Variants in LCLAT1 observed in about 807,000 individuals in gnomAD.
LCLAT1 encodes the protein lysocardiolipin acyltransferase 1, also known as 1-AGP acyltransferase 8.
LCLAT1 carries 11 observed loss-of-function variants against 30.7 expected under a neutral mutation model. That is an observed-to-expected ratio of 0.36 (90% CI 0.23 to 0.59). LCLAT1 has a LOEUF of 0.59. Ranked by LOEUF, LCLAT1 falls within the 20% of genes least tolerant of loss-of-function variation. LCLAT1 has a pLI of 0.77. For synonymous variants in LCLAT1, 155 were observed against 151.3 expected (o/e 1.02, Z -0.18); for missense variants, 402 against 458.6 (o/e 0.88, Z 1.13).
chr2:30,620,976 C>G (rs1490237359), intron 5 of LCLAT1, among the ~76,000 whole-genome samples: 1 of 152,022 alleles, frequency 6.6e-6, no homozygotes, highest in African/African-American at 2.4e-5. Context: ...TATGTAAAGG[C>G]TTTTTTTGGA....
intron 3 of LCLAT1, among the ~76,000 whole-genome samples, chr2:30,561,565 A>G (rs1327198866): frequency 6.6e-6 from 1 of 152,160 alleles, no homozygotes; most frequent in Non-Finnish European, 1.5e-5. Context: ...CCCTAGAGAA[A>G]AGGAATGTAG....
chr2:30,486,067 T>C (rs548094162), intron 1 of LCLAT1, among the ~76,000 whole-genome samples: 121 of 152,264 alleles, frequency 7.9e-4, no homozygotes, highest in African/African-American at 2.8e-3. Context: ...GGACTAAATA[T>C]TTTCTAATTT....
At chr2:30,591,706 A>G (rs901006094) in intron 5 of LCLAT1, among the ~76,000 whole-genome samples, 1 of 152,196 alleles carries the variant, frequency 6.6e-6, no homozygotes, top group Non-Finnish European at 1.5e-5. Context: ...CTAATAGACT[A>G]GAGCCCACAG....
At chr2:30,452,406 G>A (rs1442747184) in intron 1 of LCLAT1, among the ~76,000 whole-genome samples, 1 of 151,070 alleles carries the variant, frequency 6.6e-6, no homozygotes, top group Non-Finnish European at 1.5e-5. Context: ...TCGCTAAAAT[G>A]ACTTTTATAT....
chr2:30,529,715 C>T (rs145413925), intron 2 of LCLAT1, among the ~76,000 whole-genome samples: 1 of 152,262 alleles, frequency 6.6e-6, no homozygotes, highest in East Asian at 1.9e-4. Flanking sequence ...CCAGTCCTAG[C>T]ACAAAACAGG....
At chr2:30,487,120 G>C (rs1321891232) in intron 1 of LCLAT1, among the ~76,000 whole-genome samples, 1 of 152,156 alleles carries the variant, frequency 6.6e-6, no homozygotes, top group Non-Finnish European at 1.5e-5. Flanking sequence ...CATTTAATTT[G>C]TACATGTCTT....
intron 5 of LCLAT1, among the ~76,000 whole-genome samples, chr2:30,585,081 C>T (rs183662201): frequency 6.6e-6 from 1 of 152,024 alleles, no homozygotes; most frequent in Admixed American, 6.5e-5. Context: ...TTGATCATCA[C>T]GATGATGGGC....
At chr2:30,634,290 C>T (rs1243002092) in intron 5 of LCLAT1, among the ~76,000 whole-genome samples, 3 of 152,250 alleles carry the variant, frequency 2.0e-5, no homozygotes, top group African/African-American at 7.2e-5. Context: ...TTCTAAAGCC[C>T]GTATAGACAG....
At chr2:30,496,358 C>T (rs912325236) in intron 1 of LCLAT1, among the ~76,000 whole-genome samples, 7 of 152,152 alleles carry the variant, frequency 4.6e-5, no homozygotes, top group African/African-American at 7.2e-5. Context: ...GCTCACTGTA[C>T]CTTTCGCCTC....
chr2:30,523,097 G>A (rs1685551823), intron 1 of LCLAT1, among the ~76,000 whole-genome samples: 1 of 151,814 alleles, frequency 6.6e-6, no homozygotes, highest in Non-Finnish European at 1.5e-5. Context: ...GAGTTGAGGG[G>A]TGAGTGTTAA....
chr2:30,484,909 A>T (rs1683486677), intron 1 of LCLAT1, among the ~76,000 whole-genome samples: 2 of 152,112 alleles, frequency 1.3e-5, no homozygotes, highest in South Asian at 4.1e-4. Context: ...CTATGGTATG[A>T]TATGTTATGG....
At chr2:30,506,515 C>T (rs1033787510) in intron 1 of LCLAT1, among the ~76,000 whole-genome samples, 1 of 151,834 alleles carries the variant, frequency 6.6e-6, no homozygotes, top group African/African-American at 2.4e-5. Context: ...TAATAAAAGA[C>T]ACGTGATAAT....
intron 1 of LCLAT1, among the ~76,000 whole-genome samples, chr2:30,492,983 A>T (rs1683907334): frequency 6.6e-6 from 1 of 152,132 alleles, no homozygotes; most frequent in Non-Finnish European, 1.5e-5. Context: ...TGGCACCACT[A>T]CCTTATTAGC....
At chr2:30,546,721 T>C (rs942706162) in intron 3 of LCLAT1, among the ~76,000 whole-genome samples, 1 of 152,206 alleles carries the variant, frequency 6.6e-6, no homozygotes, top group Non-Finnish European at 1.5e-5. Context: ...TTAAAATCTA[T>C]AATGCCTAAC....
At chr2:30,547,454 CAG>C (rs1664478009) in intron 3 of LCLAT1, among the ~76,000 whole-genome samples, 1 of 152,074 alleles carries the variant, frequency 6.6e-6, no homozygotes, top group Non-Finnish European at 1.5e-5. Flanking sequence ...CATCCTATGA[CAG>C]AGAATGAAAA....
chr2:30,494,676 T>C (rs114960704), intron 1 of LCLAT1, among the ~76,000 whole-genome samples: 3,493 of 151,444 alleles, frequency 0.023, 123 homozygotes, highest in African/African-American at 0.079. Flanking sequence ...TCTTTTACTT[T>C]TTTTTTTTTT....
chr2:30,636,086 TG>T (rs1345645959), intron 5 of LCLAT1, among the ~76,000 whole-genome samples: 1 of 152,170 alleles, frequency 6.6e-6, no homozygotes, highest in Non-Finnish European at 1.5e-5. Context: ...CCTTGGTACT[TG>T]AACAAGCTTC....
intron 5 of LCLAT1, among the ~76,000 whole-genome samples, chr2:30,631,867 A>G (rs1201576721): frequency 6.6e-6 from 1 of 152,224 alleles, no homozygotes; most frequent in Non-Finnish European, 1.5e-5. Flanking sequence ...TTTAAATTTC[A>G]CATTGCTTCT....
intron 5 of LCLAT1, among the ~76,000 whole-genome samples, chr2:30,637,599 C>T (rs1008727130): frequency 6.6e-6 from 1 of 152,050 alleles, no homozygotes; most frequent in African/African-American, 2.4e-5. Context: ...TTTATTGAGA[C>T]GGAGTTTCAC....
Sources: allele counts gnomAD v4.1 joint callset (sites outside exome capture counted in the v4.1 genomes callset), GRCh38; gene constraint gnomAD v4.1.1; transcripts MANE v1.5; gene names NCBI Gene and HGNC (gene_info 2026-07-23, HGNC 2026-07-21).